SLC25A48: variants seen among roughly 807,000 people sequenced by gnomAD.
SLC25A48 encodes solute carrier family 25 member 48, also known as CTC-321K16.1.
In SLC25A48, 29 loss-of-function variants were observed where a neutral mutation model predicts 32.2. The observed-to-expected ratio is 0.90, with a 90% CI of 0.67 to 1.23. SLC25A48 has a LOEUF of 1.23. SLC25A48 is among the 50% of genes most tolerant of loss of function. The pLI, the probability that SLC25A48 is intolerant of heterozygous loss-of-function variation, is 0.00. For synonymous variants in SLC25A48, 164 were observed against 172.3 expected, an observed-to-expected ratio of 0.95 and a Z score of 0.38; for missense variants, 399 against 422.7, an observed-to-expected ratio of 0.94 and a Z score of 0.49.
chr5:135,692,197 A>G (rs1754161539), intron 3 of SLC25A48, among the ~76,000 whole-genome samples: 2 of 151,934 alleles, frequency 1.3e-5, no homozygotes, highest in South Asian at 4.2e-4. Flanking sequence ...ATGCGCCTGT[A>G]GTCCCACCTA....
At chr5:135,868,358 C>T (rs1487977010) in intron 4 of SLC25A48, among the ~76,000 whole-genome samples, 6 of 152,030 alleles carry the variant, frequency 3.9e-5, no homozygotes, top group Admixed American at 3.9e-4. Flanking sequence ...TCACAAGAAA[C>T]AAAGAAAGGC....
At chr5:135,837,404 C>T (rs1466822295) in intron 1 of SLC25A48, among the ~76,000 whole-genome samples, 1 of 152,130 alleles carries the variant, frequency 6.6e-6, no homozygotes, top group Non-Finnish European at 1.5e-5. Flanking sequence ...GTTAAATCAC[C>T]TCTACTAACA....
Position 135,848,752 on chromosome 5 carries a change from G to A in SLC25A48, c.91-1673G>A, listed in dbSNP as rs56899389. Among the ~76,000 whole-genome samples the A allele has an allele frequency of 2.0e-3, 303 of 152,288 alleles. 6 individuals are homozygous for A. In the East Asian group the frequency reaches 0.048, roughly 24 times the overall value. Reference sequence around the variant, plus strand: ...TAAAATAGGCCCCGAACAAATATTGGTTGAGTGAGTCAATAAACACACTTC... The same window carrying A: ...TAAAATAGGCCCCGAACAAATATTGATTGAGTGAGTCAATAAACACACTTC... On this transcript the variant is annotated intron_variant, in intron 2 of 7. Transcript: ENST00000681962.
At chr5:135,631,498 A>G (rs898884406) in intron 2 of SLC25A48, among the ~76,000 whole-genome samples, 2 of 152,238 alleles carry the variant, frequency 1.3e-5, no homozygotes, top group Non-Finnish European at 2.9e-5. Flanking sequence ...AACTGGCAGT[A>G]TAATAGTTCT....
intron 4 of SLC25A48, among the ~76,000 whole-genome samples, chr5:135,855,323 A>G (rs977771136): frequency 6.6e-6 from 1 of 152,202 alleles, no homozygotes; most frequent in African/African-American, 2.4e-5. Context: ...AGTACAATCA[A>G]ACAAGGTGTG....
At position 135,644,963 on chromosome 5, in the gene SLC25A48, C is replaced by T. The variant is rs143080809; in HGVS notation, c.-521+10007C>T. Among the ~76,000 whole-genome samples the T allele has an allele frequency of 5.4e-5, 8 of 148,638 alleles. No individual in the cohort carries two copies. The East Asian group carries it at 1.5e-3, about 29-fold the overall frequency. On this transcript the variant is annotated intron_variant, in intron 3 of 10. Coordinates refer to the SLC25A48 transcript ENST00000646290. ...TGAAGAGAGAACTCCAGTTCAAATACAAGAACTCTTGTATTTGAAGGCAAG... is the reference window on the plus strand; with the variant it reads ...TGAAGAGAGAACTCCAGTTCAAATATAAGAACTCTTGTATTTGAAGGCAAG...
chr5:135,822,502 G>C (rs1757917861), intron 4 of SLC25A48, among the ~76,000 whole-genome samples: 1 of 152,070 alleles, frequency 6.6e-6, no homozygotes, highest in Non-Finnish European at 1.5e-5. Flanking sequence ...GATGTGCCTT[G>C]GTTTGTGGCA....
At chr5:135,677,567 C>T (rs1255698295) in intron 3 of SLC25A48, among the ~76,000 whole-genome samples, 2 of 151,904 alleles carry the variant, frequency 1.3e-5, no homozygotes, top group African/African-American at 4.8e-5. Flanking sequence ...TGTGGTGGTA[C>T]CATTTGAGTC....
At position 135,783,929 on chromosome 5, in the gene SLC25A48, C is replaced by T. The variant is rs535286406; in HGVS notation, c.-520-28594C>T. ...TATTCCCAATATTGCAAGGAGTGTACACTCCCCATGTGATATTGTTGCTAA... is the reference window on the plus strand; with the variant it reads ...TATTCCCAATATTGCAAGGAGTGTATACTCCCCATGTGATATTGTTGCTAA... On this transcript the variant is annotated intron_variant, in intron 3 of 10. Transcript: ENST00000646290. 1.2e-4 allele frequency among the ~76,000 whole-genome samples: 14 copies of T among 118,152 alleles called. 1 individual carries two copies. The highest frequency in any genetic ancestry group is 3.6e-4 in the African/African-American group (14 of 38,914). 77.5% of individuals were successfully genotyped at this position (118,152 alleles called of 152,430 possible). A position where few individuals can be genotyped will look rare whatever the true frequency, so the allele number is the denominator to read the frequency against.
At chr5:135,776,767 G>T (rs1756573922) in intron 3 of SLC25A48, among the ~76,000 whole-genome samples, 1 of 151,828 alleles carries the variant, frequency 6.6e-6, no homozygotes, top group Non-Finnish European at 1.5e-5. Flanking sequence ...TCCCAATATT[G>T]CAGGGGTTGT....
At chr5:135,739,420 C>A (rs1295832190) in intron 3 of SLC25A48, among the ~76,000 whole-genome samples, 1 of 152,186 alleles carries the variant, frequency 6.6e-6, no homozygotes, top group Non-Finnish European at 1.5e-5. Context: ...CTCCTCCTGC[C>A]TTCACCACAA....
chr5:135,640,250 T>C (rs1752799938), intron 3 of SLC25A48, among the ~76,000 whole-genome samples: 1 of 152,158 alleles, frequency 6.6e-6, no homozygotes. Context: ...AGTTAAAAAT[T>C]GAACAGAGAC....
intron 3 of SLC25A48, among the ~76,000 whole-genome samples, chr5:135,645,102 C>A (rs1752929098): frequency 6.6e-6 from 1 of 152,252 alleles, no homozygotes; most frequent in Non-Finnish European, 1.5e-5. Flanking sequence ...ATGAAACCAA[C>A]TCTCAGCCAA....
At chr5:135,773,788 T>A (rs192394110) in intron 3 of SLC25A48, among the ~76,000 whole-genome samples, 6 of 147,690 alleles carry the variant, frequency 4.1e-5, no homozygotes, top group Non-Finnish European at 7.5e-5. Flanking sequence ...ACTCCCAATA[T>A]CACAGGGGGT....
chr5:135,832,497 G>A (rs1338363725), upstream of SLC25A48, among the ~76,000 whole-genome samples: 1 of 152,140 alleles, frequency 6.6e-6, no homozygotes, highest in Non-Finnish European at 1.5e-5. Context: ...GGGGAGGTGG[G>A]AGCTGTGGGG....
At chr5:135,845,252 TC>T (rs1203844115) in intron 2 of SLC25A48, among the ~76,000 whole-genome samples, 1 of 152,166 alleles carries the variant, frequency 6.6e-6, no homozygotes, top group African/African-American at 2.4e-5. Context: ...TCATATGGCC[TC>T]CCCTCTGAGT....
At chr5:135,827,124 C>T (rs9986268) in intron 4 of SLC25A48, 115,117 of 152,086 alleles carry the variant, frequency 0.76, 43,998 homozygotes, top group Middle Eastern at 0.86. Flanking sequence ...TCCCACCTAC[C>T]CCGGGACCAG....
intron 1 of SLC25A48, among the ~76,000 whole-genome samples, chr5:135,586,730 G>A (rs951525478): frequency 2.6e-5 from 4 of 152,160 alleles, no homozygotes; most frequent in South Asian, 2.1e-4. Flanking sequence ...GGATGCTAAC[G>A]GAGCCCTGTG....
intron 3 of SLC25A48, among the ~76,000 whole-genome samples, chr5:135,680,094 CT>C (rs1184031845): frequency 6.6e-6 from 1 of 152,198 alleles, no homozygotes; most frequent in Non-Finnish European, 1.5e-5. Context: ...ACCTTTCCTT[CT>C]TGCTTTAGGT....
Sources: allele counts gnomAD v4.1 joint callset (sites outside exome capture counted in the v4.1 genomes callset), GRCh38; gene constraint gnomAD v4.1.1; transcripts MANE v1.5; gene names NCBI Gene and HGNC (gene_info 2026-07-23, HGNC 2026-07-21).